Variants in DPYD observed in about 807,000 individuals in gnomAD.
DPYD encodes dihydropyrimidine dehydrogenase.
Under a neutral mutation model 116.2 loss-of-function variants are expected in DPYD, and 109 were observed. The ratio of observed to expected loss-of-function variants is 0.94; its 90% CI spans 0.80 to 1.10. The LOEUF (loss-of-function observed/expected upper bound fraction) is 1.10. Ranked by LOEUF, DPYD falls within the 50% of genes least tolerant of loss-of-function variation. The pLI is 0.00. For missense variants in DPYD, 1,302 were observed against 1,254.5 expected (o/e 1.04, Z -0.57); for synonymous variants, 440 against 432.0 (o/e 1.02, Z -0.23).
intron 15 of DPYD, among the ~76,000 whole-genome samples, chr1:97,374,017 T>C (rs376658676): frequency 1.3e-5 from 2 of 152,182 alleles, no homozygotes; most frequent in East Asian, 1.9e-4. Flanking sequence ...ACAGTAGAGA[T>C]TGTAACTCAG....
At chr1:97,734,680 T>TG in intron 4 of DPYD, among the ~76,000 whole-genome samples, 1 of 152,318 alleles carries the variant, frequency 6.6e-6, no homozygotes, top group East Asian at 1.9e-4. Context: ...TTTTAAGTCA[T>TG]GAATAGGCAT....
At position 97,828,929 on chromosome 1, in the gene DPYD, A is replaced by G. The variant is rs866165492; in HGVS notation, c.151-733T>C. Among the ~76,000 whole-genome samples the G allele has an allele frequency of 4.6e-5, 7 of 152,074 alleles. No individual in the cohort carries two copies. The South Asian group carries it at 1.0e-3, about 23-fold the overall frequency. On this transcript the variant is annotated intron_variant, in intron 2 of 22. Coordinates refer to ENST00000370192, the MANE Select transcript of DPYD (RefSeq NM_000110.4). Reference sequence around the variant, plus strand: ...ATAGCAATACTAGACTGAATTTTCTAAAAGTACTTTAAAAAATTTTTACTA... The same window carrying G: ...ATAGCAATACTAGACTGAATTTTCTGAAAGTACTTTAAAAAATTTTTACTA...
chr1:97,575,147 T>C (rs115767057), intron 10 of DPYD, among the ~76,000 whole-genome samples: 1,994 of 152,272 alleles, frequency 0.013, 22 homozygotes, highest in Middle Eastern at 0.024. Flanking sequence ...GTCTAACAAA[T>C]GCCTAAGGTG....
intron 13 of DPYD, among the ~76,000 whole-genome samples, chr1:97,503,367 A>C (rs527657829): frequency 1.3e-5 from 2 of 152,068 alleles, no homozygotes; most frequent in Admixed American, 6.6e-5. Context: ...AACTCCAACT[A>C]TCAGGAGTAT....
At chr1:97,249,949 C>T (rs540356246) in intron 18 of DPYD, among the ~76,000 whole-genome samples, 11 of 152,264 alleles carry the variant, frequency 7.2e-5, no homozygotes, top group Admixed American at 7.2e-4. Flanking sequence ...ACAAAACGAA[C>T]TCTCACATGC....
chr1:97,919,875 G>T (rs1002802928), intron 1 of DPYD, among the ~76,000 whole-genome samples: 1 of 152,124 alleles, frequency 6.6e-6, no homozygotes, highest in African/African-American at 2.4e-5. Context: ...AGAATATAAA[G>T]TTTCTTCAAT....
chr1:97,444,981 A>G (rs763771406), intron 14 of DPYD, among the ~76,000 whole-genome samples: 3 of 152,136 alleles, frequency 2.0e-5, no homozygotes, highest in African/African-American at 7.2e-5. Context: ...TATAAAGGAG[A>G]CCTAACGGCA....
intron 3 of DPYD, among the ~76,000 whole-genome samples, chr1:97,766,860 T>C (rs941292709): frequency 5.5e-4 from 84 of 152,102 alleles, no homozygotes; most frequent in African/African-American, 1.9e-3. Flanking sequence ...AAAGAATAAG[T>C]CTAAGAAAAC....
intron 5 of DPYD, among the ~76,000 whole-genome samples, chr1:97,715,915 G>A (rs567769146): frequency 1.3e-5 from 2 of 152,170 alleles, no homozygotes; most frequent in Admixed American, 6.6e-5. Flanking sequence ...CTAAAATAGA[G>A]TTGTAGAATA....
At chr1:97,263,108 C>T (rs1257308063) in intron 18 of DPYD, among the ~76,000 whole-genome samples, 2 of 152,104 alleles carry the variant, frequency 1.3e-5, no homozygotes, top group African/African-American at 4.8e-5. Context: ...GGGGCCTTTA[C>T]AGAAACTAGC....
chr1:97,889,939 CAG>C (rs1404517762), intron 1 of DPYD, among the ~76,000 whole-genome samples: 1 of 151,832 alleles, frequency 6.6e-6, no homozygotes, highest in Admixed American at 6.6e-5. Context: ...ATATCAATAA[CAG>C]AAAGAAATTT....
At chr1:97,181,213 A>G (rs1029005804) in intron 20 of DPYD, among the ~76,000 whole-genome samples, 8 of 152,274 alleles carry the variant, frequency 5.3e-5, no homozygotes, top group African/African-American at 1.4e-4. Flanking sequence ...GTTGCCTTGT[A>G]AAATGAACCA....
intron 14 of DPYD, among the ~76,000 whole-genome samples, chr1:97,435,866 A>T (rs562033575): frequency 2.0e-5 from 3 of 152,094 alleles, no homozygotes; most frequent in South Asian, 2.1e-4. Context: ...GGAGAAAAAA[A>T]ATATATAGTT....
intron 20 of DPYD, among the ~76,000 whole-genome samples, chr1:97,130,864 TTCCTTCCTTCCTTCCTTCC>T: frequency 7.1e-6 from 1 of 140,976 alleles, no homozygotes; most frequent in African/African-American, 2.7e-5. Context: ...CCTTCCTTCC[TTCCTTCCTTCCTTCCTTCC>T]TTCTTTCCTC....
intron 13 of DPYD, among the ~76,000 whole-genome samples, chr1:97,493,550 T>C (rs901407591): frequency 3.3e-5 from 5 of 152,098 alleles, no homozygotes; most frequent in African/African-American, 1.2e-4. Flanking sequence ...TAATGTCAGG[T>C]GGAGCAATTT....
intron 14 of DPYD, among the ~76,000 whole-genome samples, chr1:97,401,792 T>C (rs936486013): frequency 6.6e-6 from 1 of 152,170 alleles, no homozygotes; most frequent in Non-Finnish European, 1.5e-5. Flanking sequence ...GTATGATCCA[T>C]TTAGAGTTAA....
Position 97,206,639 on chromosome 1 carries a change from TA to T in DPYD, c.2443-13392del, listed in dbSNP as rs1344552630. On this transcript the variant is annotated intron_variant, in intron 19 of 22. Transcript: ENST00000370192. ...CTTTCATGTGAAAACAGGGAGATTTTATATATATATATATATATATATATAT... is the reference window on the plus strand; with the variant it reads ...CTTTCATGTGAAAACAGGGAGATTTTTATATATATATATATATATATATAT... 6.2e-3 allele frequency among the ~76,000 whole-genome samples: 47 copies of T among 7,546 alleles called. 1 individual carries two copies. The highest frequency in any genetic ancestry group is 0.052 in the African/African-American group (39 of 752). 5.0% of individuals were successfully genotyped at this position (7,546 alleles called of 152,430 possible). A position where few individuals can be genotyped will look rare whatever the true frequency, so the allele number is the denominator to read the frequency against.
chr1:97,707,648 A>G (rs1229275516), intron 5 of DPYD, among the ~76,000 whole-genome samples: 3 of 152,032 alleles, frequency 2.0e-5, no homozygotes, highest in African/African-American at 7.2e-5. Context: ...TTTGTTGTTT[A>G]TAAGCCATCC....
chr1:97,712,435 T>C (rs889363790), intron 5 of DPYD, among the ~76,000 whole-genome samples: 2 of 152,110 alleles, frequency 1.3e-5, no homozygotes, highest in African/African-American at 4.8e-5. Flanking sequence ...TTTTATTTTA[T>C]CTCCTTTTAG....
Sources: gnomAD v4.1 joint callset for allele counts (sites outside exome capture counted in the v4.1 genomes callset) on GRCh38, gnomAD v4.1.1 for gene constraint, MANE v1.5 for transcripts, NCBI Gene and HGNC (gene_info 2026-07-23, HGNC 2026-07-21) for gene names.